The following DCDC1 variants were observed in gnomAD, a reference collection of about 807,000 sequenced individuals.
DCDC1 encodes the protein doublecortin domain-containing protein 1.
In DCDC1, 200 loss-of-function variants were observed where a neutral mutation model predicts 178.3. The ratio of observed to expected loss-of-function variants is 1.12; its 90% CI spans 1.00 to 1.26. The LOEUF is 1.26. DCDC1 is among the 50% of genes most tolerant of loss of function. The probability of loss-of-function intolerance (pLI) is 0.00; values close to 1 mark genes in which losing one functional copy is unlikely to be tolerated. For missense variants in DCDC1, 1,983 were observed against 1,749.2 expected (o/e 1.13, Z -2.38); for synonymous variants, 690 against 604.8 (o/e 1.14, Z -2.07).
chr11:31,159,720 C>T (rs1445658411), intron 9 of DCDC1, among the ~76,000 whole-genome samples: 2 of 152,064 alleles, frequency 1.3e-5, no homozygotes, highest in African/African-American at 4.8e-5. Flanking sequence ...GAAATACAGG[C>T]AACTTGACAA....
intron 7 of DCDC1, among the ~76,000 whole-genome samples, chr11:31,272,819 T>C (rs555272763): frequency 2.3e-4 from 35 of 152,352 alleles, no homozygotes; most frequent in African/African-American, 7.9e-4. Context: ...TCCAGATGCA[T>C]GGTGCAAGTT....
chr11:31,099,365 T>C (rs1468230779), intron 15 of DCDC1, among the ~76,000 whole-genome samples: 1 of 152,212 alleles, frequency 6.6e-6, no homozygotes. Flanking sequence ...ACATCTTGCC[T>C]CTGTTCAAAT....
At chr11:31,219,663 C>A (rs1974018616) in intron 9 of DCDC1, among the ~76,000 whole-genome samples, 1 of 152,008 alleles carries the variant, frequency 6.6e-6, no homozygotes, top group Non-Finnish European at 1.5e-5. Context: ...CAACTAAGGA[C>A]AAGGCACTGT....
rs1940821711 is a variant in DCDC1 at position 30,864,265 on chromosome 11, T to C, written c.*1108A>G. 1 of 152,262 alleles carries C rather than the reference T, an allele frequency of 6.6e-6. No homozygotes were observed. The highest frequency in any genetic ancestry group is 2.4e-5 in the African/African-American group (1 of 41,478). 9.4% of individuals were successfully genotyped at this position (152,262 alleles called of 1,614,324 possible). ...GTCTCAAATGTTGTCAATTCATCTATAAGTAATTTCACATAACTTTTGGAT... is the reference window on the plus strand; with the variant it reads ...GTCTCAAATGTTGTCAATTCATCTACAAGTAATTTCACATAACTTTTGGAT... On this transcript the variant is annotated 3_prime_UTR_variant, in exon 39 of 39. Transcript: ENST00000684477.
chr11:31,130,465 T>C (rs1346827399), intron 10 of DCDC1, among the ~76,000 whole-genome samples: 1 of 152,030 alleles, frequency 6.6e-6, no homozygotes, highest in Non-Finnish European at 1.5e-5. Flanking sequence ...ATGAAAACAG[T>C]AATGTCCCAA....
At chr11:30,889,886 C>T (rs567747468) in intron 36 of DCDC1, among the ~76,000 whole-genome samples, 29 of 152,206 alleles carry the variant, frequency 1.9e-4, no homozygotes, top group South Asian at 1.2e-3. Flanking sequence ...AAGCCCTAAC[C>T]GCTACTGTGA....
At chr11:31,031,665 CAT>C (rs1953658472) in intron 20 of DCDC1, among the ~76,000 whole-genome samples, 2 of 151,986 alleles carry the variant, frequency 1.3e-5, no homozygotes, top group South Asian at 4.2e-4. Flanking sequence ...ATCTATATAT[CAT>C]ATTTTATTAC....
intron 7 of DCDC1, among the ~76,000 whole-genome samples, chr11:31,276,388 C>T (rs887671420): frequency 3.3e-5 from 5 of 152,012 alleles, no homozygotes; most frequent in African/African-American, 7.3e-5. Context: ...AAATACTTCA[C>T]CTTTGGCAAT....
chr11:30,910,324 T>C (rs990523322), intron 28 of DCDC1, among the ~76,000 whole-genome samples: 2 of 152,288 alleles, frequency 1.3e-5, no homozygotes, highest in Middle Eastern at 3.4e-3. Context: ...GTGTATGAGG[T>C]TGTATCTCAC....
At chr11:31,182,697 G>A (rs916198258) in intron 9 of DCDC1, among the ~76,000 whole-genome samples, 1 of 152,008 alleles carries the variant, frequency 6.6e-6, no homozygotes, top group Non-Finnish European at 1.5e-5. Flanking sequence ...ATCAACTAAC[G>A]GGCAAAATAA....
At chr11:31,179,493 T>C (rs960547342) in intron 9 of DCDC1, among the ~76,000 whole-genome samples, 2 of 152,186 alleles carry the variant, frequency 1.3e-5, no homozygotes, top group Non-Finnish European at 2.9e-5. Context: ...TTATTCAACC[T>C]TTAAAAAGAA....
chr11:31,297,812 G>A (rs1406295155), intron 6 of DCDC1, among the ~76,000 whole-genome samples: 1 of 152,168 alleles, frequency 6.6e-6, no homozygotes, highest in African/African-American at 2.4e-5. Context: ...GCAACCATTT[G>A]TCTCTTATCT....
intron 32 of DCDC1, among the ~76,000 whole-genome samples, chr11:30,901,205 G>A (rs1037568363): frequency 1.1e-4 from 16 of 152,034 alleles, no homozygotes; most frequent in African/African-American, 3.9e-4. Flanking sequence ...TCCTCATAAA[G>A]AGCCTATTCG....
At chr11:31,270,090 A>G (rs1173121691) in intron 7 of DCDC1, among the ~76,000 whole-genome samples, 1 of 152,204 alleles carries the variant, frequency 6.6e-6, no homozygotes, top group African/African-American at 2.4e-5. Flanking sequence ...ACACTTCCCC[A>G]ACACACTCTC....
chr11:30,895,489 T>C lies in DCDC1; in HGVS notation c.4766-1105A>G, dbSNP rs182464517. Among the ~76,000 whole-genome samples, 42 of 152,294 alleles carry C rather than the reference T, an allele frequency of 2.8e-4. 1 individual carries two copies. Among genetic ancestry groups the C allele is most frequent in the Admixed American group, 2.6e-3 (40 of 15,296 alleles). ...CTCAATTTTGTTGCCAACATAATCT[T>C]AATGTGAAGATTTTTAGACCATGAC... On this transcript the variant is annotated intron_variant, in intron 34 of 38. Coordinates refer to ENST00000684477, the MANE Select transcript of DCDC1 (RefSeq NM_001387274.1).
intron 1 of DCDC1, among the ~76,000 whole-genome samples, chr11:31,352,205 T>C (rs1333389871): frequency 6.6e-6 from 1 of 152,116 alleles, no homozygotes; most frequent in South Asian, 2.1e-4. Flanking sequence ...AGGGCTTACC[T>C]TGTGCTCACT....
intron 8 of DCDC1, among the ~76,000 whole-genome samples, chr11:31,254,756 T>C (rs1380181490): frequency 1.3e-5 from 2 of 152,184 alleles, no homozygotes; most frequent in Non-Finnish European, 2.9e-5. Flanking sequence ...GCAAATTGGT[T>C]CTGCTCCATT....
At chr11:31,189,948 A>C (rs1227821906) in intron 9 of DCDC1, among the ~76,000 whole-genome samples, 2 of 152,178 alleles carry the variant, frequency 1.3e-5, no homozygotes, top group African/African-American at 4.8e-5. Flanking sequence ...TACCACATTT[A>C]CCAAAGTTGA....
At chr11:30,892,379 G>C (rs273570) in intron 36 of DCDC1, among the ~76,000 whole-genome samples, 15,377 of 151,698 alleles carry the variant, frequency 0.1, 960 homozygotes, top group Admixed American at 0.19. Context: ...ATTCGTGGTG[G>C]GTAAAAAAAG....
Sources: allele counts gnomAD v4.1 joint callset (sites outside exome capture counted in the v4.1 genomes callset), GRCh38; gene constraint gnomAD v4.1.1; transcripts MANE v1.5; gene names NCBI Gene and HGNC (gene_info 2026-07-23, HGNC 2026-07-21).